The following LRRC56 variants were observed in gnomAD, a reference collection of about 807,000 sequenced individuals.
LRRC56 encodes leucine-rich repeat-containing protein 56.
A neutral mutation model predicts 47.8 loss-of-function variants in LRRC56; 41 were observed. The ratio of observed to expected loss-of-function variants is 0.86; its 90% CI spans 0.67 to 1.11. The LOEUF (loss-of-function observed/expected upper bound fraction) is 1.11, where lower values mean the gene tolerates loss of function less well. Ranked by LOEUF, LRRC56 falls within the 50% of genes most tolerant of loss-of-function variation. The pLI, the probability that LRRC56 is intolerant of heterozygous loss-of-function variation, is 0.00. For synonymous variants in LRRC56, 387 were observed against 311.2 expected (o/e 1.24, Z -2.56); for missense variants, 759 against 704.2 (o/e 1.08, Z -0.88).
upstream of LRRC56, among the ~76,000 whole-genome samples, chr11:534,954 G>A (rs1411076489): frequency 6.6e-6 from 1 of 152,258 alleles, no homozygotes; most frequent in African/African-American, 2.4e-5. Context: ...TGGGAAGCAG[G>A]GACTGAGCGA....
At chr11:533,849 G>A (rs2133990684), upstream of LRRC56, 1 of 1,613,344 alleles carries the variant, frequency 6.2e-7, no homozygotes, top group Non-Finnish European at 8.5e-7. Context: ...GCATGTACTG[G>A]TCCCGCATGG....
chr11:525,322 G>A, the LRRC56 span, among the ~76,000 whole-genome samples: 17 of 151,804 alleles, frequency 1.1e-4, no homozygotes, highest in East Asian at 9.7e-4. Context: ...GGCGGATCAC[G>A]AGGTCAGGAG....
At position 542,580 on chromosome 11, in the gene LRRC56, C is replaced by CAAAAAAAAAAAAAAAAAAAAAAAAAA. The variant is rs71022928; in HGVS notation, c.265+980_265+981insAAAAAAAAAAAAAAAAAAAAAAAAAA. Among the ~76,000 whole-genome samples, 3 of 26,002 alleles carry CAAAAAAAAAAAAAAAAAAAAAAAAAA rather than the reference C, an allele frequency of 1.2e-4. 1 individual carries two copies. The highest frequency in any genetic ancestry group is 6.4e-4 in the African/African-American group (3 of 4,660). The allele number at this position is 26,002 out of a possible 152,430, so 17.1% of individuals were successfully genotyped here. A position where few individuals can be genotyped will look rare whatever the true frequency, so the allele number is the denominator to read the frequency against. ...TGGGCGACAGAGCAAAACCCTGTCG[C>CAAAAAAAAAAAAAAAAAAAAAAAAAA]AAAAAAAAAAAAAAAAAAAAAAAAC... On this transcript the variant is annotated intron_variant, in intron 5 of 13. Coordinates refer to ENST00000270115, the MANE Select transcript of LRRC56 (RefSeq NM_198075.4).
chr11:511,473 G>C, the LRRC56 span, among the ~76,000 whole-genome samples: 44 of 152,326 alleles, frequency 2.9e-4, no homozygotes, highest in African/African-American at 9.6e-4. Context: ...TTTGGTGACA[G>C]GACTGCTCCT....
At chr11:552,922 G>C (rs1256582939) in intron 13 of LRRC56, among the ~76,000 whole-genome samples, 1 of 152,228 alleles carries the variant, frequency 6.6e-6, no homozygotes, top group Non-Finnish European at 1.5e-5. Flanking sequence ...TCCAATCCCT[G>C]TGACCTTGTG....
chr11:552,652 T>G lies in LRRC56; in HGVS notation c.1265T>G (p.Val422Gly), dbSNP rs1021284540. Residue 422 changes from valine to glycine, a missense_variant, in exon 13 of 14, where the codon GTG (valine) becomes GGG (glycine). Transcript: ENST00000270115. ...WGPRRVPEEQ[V>G]HQAEPKTPSS... ...CCACGGAGGGTCCCTGAAGAGCAAG[T>G]GCACCAGGCAGAGCCCAAGACTCCC... The G allele has an allele frequency of 1.2e-6, 2 of 1,611,558 alleles. No homozygotes were observed. Among genetic ancestry groups the G allele is most frequent in the Non-Finnish European group, 1.7e-6 (2 of 1,179,334 alleles).
At position 541,613 on chromosome 11, in the gene LRRC56, T is replaced by C; in HGVS notation, c.254T>C (p.Leu85Pro). 1.3e-6 allele frequency: 2 copies of C among 1,572,546 alleles called. No individual in the cohort carries two copies. The highest frequency in any genetic ancestry group is 1.2e-5 in the South Asian group (1 of 85,996). ...EMCVDTREGS[L>P]GNFGVHLPNL... ...TGTGTGGACACTCGTGAGGGCAGCC[T>C]GGGGAACTTTGGTGAGCCTCTTCCC... The change falls in exon 5 of 14, where the codon CTG (leucine) becomes CCG (proline). Residue 85 changes from leucine (L) to proline (P), a missense_variant. Physicochemically the swap from Leu to Pro is moderately conservative, Grantham distance 98. Transcript: ENST00000270115. This position sits in a 1 kb window ranked among gnomAD's most constrained non-coding sequence, Gnocchi z 4.1.
At chr11:519,212 G>C in the LRRC56 span, among the ~76,000 whole-genome samples, 2 of 152,250 alleles carry the variant, frequency 1.3e-5, no homozygotes, top group African/African-American at 4.8e-5. Flanking sequence ...GCATTCCTTA[G>C]ATCTCCGTGT....
chr11:527,060 G>C, the LRRC56 span, among the ~76,000 whole-genome samples: 1 of 152,196 alleles, frequency 6.6e-6, no homozygotes, highest in African/African-American at 2.4e-5. Context: ...CCAGCACTTT[G>C]GGAGGCCGAG....
At chr11:549,765 G>T in intron 6 of LRRC56, 137 bp from the exon 7 acceptor site, 9 of 678,470 alleles carry the variant, frequency 1.3e-5, no homozygotes, top group Admixed American at 1.3e-4. Flanking sequence ...AGAAGGCCAA[G>T]GCAGAGAGCC....
the LRRC56 span, among the ~76,000 whole-genome samples, chr11:526,363 G>A: frequency 1.3e-5 from 2 of 152,142 alleles, no homozygotes; most frequent in Non-Finnish European, 2.9e-5. Context: ...CCCGCAACAC[G>A]CCCAAGATGA....
At chr11:525,541 C>T in the LRRC56 span, among the ~76,000 whole-genome samples, 1 of 145,792 alleles carries the variant, frequency 6.9e-6, no homozygotes, top group East Asian at 2.0e-4. Context: ...GAGTGAGACC[C>T]TGTCTCAAAG....
In LRRC56 at chr11:541,711, C is replaced by T. The variant is rs1325141553; in HGVS notation, c.265+87C>T. On this transcript the variant is annotated intron_variant, in intron 5 of 13. Transcript: ENST00000270115. This position sits in a 1 kb window ranked among gnomAD's most constrained non-coding sequence, Gnocchi z 4.1. ...ACGTTTCCTGGTTATGACGACAAAG[C>T]TGTCCTCACCTCTCGGGCCGCGTAT... is the stretch of plus-strand genomic sequence containing the variant. 2.4e-6 allele frequency: 2 copies of T among 832,834 alleles called. No individual in the cohort carries two copies. Among genetic ancestry groups the T allele is most frequent in the East Asian group, 2.9e-5 (1 of 34,178 alleles). 51.6% of individuals were successfully genotyped at this position (832,834 alleles called of 1,614,324 possible). A position where few individuals can be genotyped will look rare whatever the true frequency, so the allele number is the denominator to read the frequency against.
chr11:530,398 G>C, the LRRC56 span, among the ~76,000 whole-genome samples: 4 of 152,100 alleles, frequency 2.6e-5, no homozygotes, highest in African/African-American at 9.7e-5. Context: ...TGGTCACTCG[G>C]AGGCTGCTGG....
chr11:534,937 G>A (rs911278178), upstream of LRRC56, among the ~76,000 whole-genome samples: 17 of 152,244 alleles, frequency 1.1e-4, no homozygotes, highest in Non-Finnish European at 2.5e-4. Context: ...GAAGACAGAG[G>A]AGCTCCTGGG....
At chr11:537,726 A>C (rs1407873506) in intron 1 of LRRC56, 121 bp downstream of exon 1, 1 of 152,310 alleles carries the variant, frequency 6.6e-6, no homozygotes, top group African/African-American at 2.4e-5. Flanking sequence ...TCGGGGACCC[A>C]GTGATGGCCC....
intron 6 of LRRC56, among the ~76,000 whole-genome samples, chr11:548,012 G>C (rs1237309136): frequency 6.6e-6 from 1 of 152,002 alleles, no homozygotes; most frequent in African/African-American, 2.4e-5. Flanking sequence ...TGTAATCACA[G>C]CTACTCGGGA....
chr11:532,439 CCTTCCTTG>C, the LRRC56 span: 6 of 764,864 alleles, frequency 7.8e-6, no homozygotes, highest in African/African-American at 5.2e-5. Flanking sequence ...GCCCTTCCTT[CCTTCCTTG>C]CTTCCGTCCT....
chr11:535,654 C>T (rs556177089), upstream of LRRC56: 70 of 152,162 alleles, frequency 4.6e-4, no homozygotes, highest in African/African-American at 1.6e-3. Context: ...CCCCGCCCCA[C>T]CCCGGTTGGC....
Sources: gnomAD v4.1 joint callset for allele counts (sites outside exome capture counted in the v4.1 genomes callset) on GRCh38, gnomAD v4.1.1 for gene constraint, Gnocchi (gnomAD v3.1) non-coding constraint, MANE v1.5 for transcripts, NCBI Gene and HGNC (gene_info 2026-07-23, HGNC 2026-07-21) for gene names.